ARNT2: variants seen among roughly 807,000 people sequenced by gnomAD.
ARNT2 encodes the protein ARNT protein 2.
A neutral mutation model predicts 91.7 loss-of-function variants in ARNT2; 36 were observed. The ratio of observed to expected loss-of-function variants is 0.39; its 90% CI spans 0.30 to 0.52. ARNT2 has a LOEUF of 0.52. ARNT2 is among the 20% of genes least tolerant of loss of function. The pLI is 0.72. For missense variants in ARNT2, 775 were observed against 939.3 expected (o/e 0.83, Z 2.29); for synonymous variants, 365 against 347.1 (o/e 1.05, Z -0.57).
chr15:80,521,463 A>G (rs1897544563), intron 8 of ARNT2, among the ~76,000 whole-genome samples: 1 of 152,216 alleles, frequency 6.6e-6, no homozygotes. Flanking sequence ...CCGATAGTGT[A>G]TTTCATGACT....
chr15:80,580,588 G>A, intron 16 of ARNT2, 39 bp downstream of exon 16: 1 of 1,612,608 alleles, frequency 6.2e-7, no homozygotes, highest in African/African-American at 1.3e-5. Flanking sequence ...TGGGTGACCA[G>A]AGAGGCAGAG....
chr15:80,516,828 AATATATAT>A lies in ARNT2; in HGVS notation c.877+2444_877+2451del, dbSNP rs56146872. On this transcript the variant is annotated intron_variant, in intron 8 of 18. Coordinates refer to ENST00000303329, the MANE Select transcript of ARNT2 (RefSeq NM_014862.4). ...TTTACAATTATTATATACAATTACA[AATATATAT>A]ATATATATATATATATATATCCATG... Among the ~76,000 whole-genome samples, 204 of 74,798 alleles carry A rather than the reference AATATATAT, an allele frequency of 2.7e-3. 8 individuals carry two copies. The highest frequency in any genetic ancestry group is 5.4e-3 in the African/African-American group (115 of 21,152). 49.1% of individuals were successfully genotyped at this position (74,798 alleles called of 152,430 possible). A position where few individuals can be genotyped will look rare whatever the true frequency, so the allele number is the denominator to read the frequency against.
intron 1 of ARNT2, among the ~76,000 whole-genome samples, chr15:80,412,030 C>T (rs1408849033): frequency 1.3e-5 from 2 of 152,186 alleles, no homozygotes; most frequent in Non-Finnish European, 1.5e-5. Flanking sequence ...GATTCAGCCA[C>T]CCCAACAGCA....
rs534454878 is a variant in ARNT2 at position 80,449,195 on chromosome 15, G to A, written c.32-1685G>A. Among the ~76,000 whole-genome samples the A allele has an allele frequency of 2.0e-5, 3 of 152,322 alleles. No individual in the cohort carries two copies. In the South Asian group the frequency reaches 6.2e-4, roughly 32 times the overall value. On this transcript the variant is annotated intron_variant, in intron 1 of 18. Coordinates refer to ENST00000303329, the MANE Select transcript of ARNT2 (RefSeq NM_014862.4). ...TTGGAATCTCCAAGAAAGGGGGTAA[G>A]TGCACAGCTTTTTTCTTAACTTATT...
chr15:80,419,093 C>T (rs1327971844), intron 1 of ARNT2, among the ~76,000 whole-genome samples: 5 of 152,108 alleles, frequency 3.3e-5, no homozygotes, highest in Non-Finnish European at 7.3e-5. Context: ...GGTCTGTCTG[C>T]CACTAGATGG....
chr15:80,407,478 A>C (rs1895617400), intron 1 of ARNT2, among the ~76,000 whole-genome samples: 2 of 152,236 alleles, frequency 1.3e-5, no homozygotes, highest in Non-Finnish European at 2.9e-5. Flanking sequence ...GGAGAGGAGA[A>C]GAAAGGATTG....
At chr15:80,458,468 A>G (rs920122116) in intron 3 of ARNT2, among the ~76,000 whole-genome samples, 6 of 152,130 alleles carry the variant, frequency 3.9e-5, no homozygotes, top group African/African-American at 1.4e-4. Flanking sequence ...TGTGTTCTGG[A>G]TGCAGGATAG....
intron 8 of ARNT2, among the ~76,000 whole-genome samples, chr15:80,522,363 C>A (rs894385892): frequency 2.6e-5 from 4 of 152,138 alleles, no homozygotes; most frequent in Non-Finnish European, 4.4e-5. Flanking sequence ...TAGCTTGATT[C>A]TTAAGTTTGT....
Position 80,597,220 on chromosome 15 carries a change from C to G in ARNT2, c.*3522C>G, listed in dbSNP as rs1230396703. The G allele has an allele frequency of 1.9e-6, 1 of 518,486 alleles. No homozygotes were observed. Among genetic ancestry groups the G allele is most frequent in the East Asian group, 5.5e-5 (1 of 18,338 alleles). 32.1% of individuals were successfully genotyped at this position (518,486 alleles called of 1,614,324 possible). ...GGAATGAATGGTGGTCTCCCCACTC[C>G]CGGCAGCACTTTAGGCAGCCCATAA... On this transcript the variant is annotated 3_prime_UTR_variant, in exon 19 of 19. Transcript: ENST00000303329.
At chr15:80,584,095 A>G (rs1221812015) in intron 17 of ARNT2, among the ~76,000 whole-genome samples, 3 of 152,186 alleles carry the variant, frequency 2.0e-5, no homozygotes, top group African/African-American at 7.2e-5. Context: ...AACAGGTGAT[A>G]GAGTGGAGAC....
At chr15:80,529,524 A>G (rs1489413192) in intron 8 of ARNT2, among the ~76,000 whole-genome samples, 2 of 138,738 alleles carry the variant, frequency 1.4e-5, no homozygotes, top group African/African-American at 5.4e-5. Context: ...TTTTTTTTTC[A>G]TTATGACCTT....
At chr15:80,559,253 C>G (rs968527155) in intron 11 of ARNT2, among the ~76,000 whole-genome samples, 3 of 152,258 alleles carry the variant, frequency 2.0e-5, no homozygotes, top group African/African-American at 7.2e-5. Context: ...GTAACTCTCA[C>G]TCTGTGAGCA....
At chr15:80,521,647 A>G (rs945006913) in intron 8 of ARNT2, among the ~76,000 whole-genome samples, 1 of 152,182 alleles carries the variant, frequency 6.6e-6, no homozygotes, top group East Asian at 1.9e-4. Context: ...ACACAAGAAC[A>G]CAAAGCATAT....
chr15:80,541,218 T>A (rs1897899898), intron 8 of ARNT2, among the ~76,000 whole-genome samples: 1 of 152,228 alleles, frequency 6.6e-6, no homozygotes, highest in Non-Finnish European at 1.5e-5. Context: ...CGGTTTTGTT[T>A]GATATTTCTC....
At chr15:80,435,074 C>T (rs1353427164) in intron 1 of ARNT2, among the ~76,000 whole-genome samples, 2 of 152,152 alleles carry the variant, frequency 1.3e-5, no homozygotes, top group Non-Finnish European at 2.9e-5. Context: ...CCACTCTCCA[C>T]GCTCACTGAA....
rs957730515 is a variant in ARNT2 at position 80,552,516 on chromosome 15, C to T, written c.955-124C>T. 3.7e-5 allele frequency: 46 copies of T among 1,238,908 alleles called. 1 individual carries two copies. The East Asian group carries it at 5.9e-4, about 16-fold the overall frequency. 76.7% of individuals were successfully genotyped at this position (1,238,908 alleles called of 1,614,324 possible). A position where few individuals can be genotyped will look rare whatever the true frequency, so the allele number is the denominator to read the frequency against. On this transcript the variant is annotated intron_variant, in intron 9 of 18. Coordinates refer to ENST00000303329, the MANE Select transcript of ARNT2 (RefSeq NM_014862.4). ...AGATATTTGAACACTTTAGGGTCAT[C>T]GTACTAAATGACATGGAAGGATCTT...
chr15:80,584,477 A>G (rs1898856171), intron 17 of ARNT2, among the ~76,000 whole-genome samples: 1 of 152,164 alleles, frequency 6.6e-6, no homozygotes, highest in South Asian at 2.1e-4. Flanking sequence ...TCCCGAGGGC[A>G]CAGTGGGAAA....
intron 1 of ARNT2, chr15:80,444,198 T>A (rs573112375): frequency 2.0e-5 from 3 of 153,308 alleles, no homozygotes; most frequent in South Asian, 4.1e-4. Context: ...CCAGGATCCC[T>A]GGGTTTCCTT....
In ARNT2 at chr15:80,404,503, C is replaced by G. The variant is rs746092532; in HGVS notation, c.-13C>G. ...CGCCCCTGCCAAGCGGGCGCCTATC[C>G]TCTCCGAGCAAGATGGCAACCCCGG... On this transcript the variant is annotated 5_prime_UTR_variant, in exon 1 of 19. Transcript: ENST00000303329. The surrounding 1 kb of genome is among the most constrained non-coding windows in gnomAD (Gnocchi z 5.5). The G allele has an allele frequency of 8.1e-6, 10 of 1,238,862 alleles. No individual in the cohort carries two copies. Among genetic ancestry groups the G allele is most frequent in the Non-Finnish European group, 1.0e-5 (10 of 972,250 alleles). The allele number at this position is 1,238,862 out of a possible 1,614,324, so 76.7% of individuals were successfully genotyped here. A position where few individuals can be genotyped will look rare whatever the true frequency, so the allele number is the denominator to read the frequency against.
Sources: allele counts gnomAD v4.1 joint callset (sites outside exome capture counted in the v4.1 genomes callset), GRCh38; gene constraint gnomAD v4.1.1; non-coding constraint Gnocchi (gnomAD v3.1); transcripts MANE v1.5; gene names NCBI Gene and HGNC (gene_info 2026-07-23, HGNC 2026-07-21).